The following NUMBL variants were observed in gnomAD, a reference collection of about 807,000 sequenced individuals.
The protein encoded by NUMBL is NUMB like endocytic adaptor protein.
NUMBL carries 20 observed loss-of-function variants against 48.9 expected under a neutral mutation model. The observed-to-expected ratio is 0.41, with a 90% CI of 0.29 to 0.59. NUMBL has a LOEUF of 0.59. Among genes scored for constraint, NUMBL ranks in the 20% least tolerant of loss-of-function variants. The pLI, the probability that NUMBL is intolerant of heterozygous loss-of-function variation, is 0.31. For synonymous variants in NUMBL, 340 were observed against 348.7 expected (o/e 0.98, Z 0.28); for missense variants, 660 against 846.2 (o/e 0.78, Z 2.73).
rs138153726 is a variant in NUMBL, at chr19:40,687,365, A to G, written c.25-370T>C. ...CAGCTTTACACACTTGGTTACACAT[A>G]GACGCAATCACAGCTACACACCTCA... On this transcript the variant is annotated intron_variant, in intron 1 of 9. Coordinates refer to ENST00000252891, the MANE Select transcript of NUMBL (RefSeq NM_004756.5). This position sits in a 1 kb window ranked among gnomAD's most constrained non-coding sequence, Gnocchi z 4.6. 6.6e-6 allele frequency among the ~76,000 whole-genome samples: 1 copy of G among 152,324 alleles called. No individual in the cohort carries two copies. Among genetic ancestry groups the G allele is most frequent in the East Asian group, 1.9e-4 (1 of 5,190 alleles).
chr19:40,676,031 A>AT (rs1303054676), intron 7 of NUMBL, among the ~76,000 whole-genome samples: 1 of 151,962 alleles, frequency 6.6e-6, no homozygotes, highest in East Asian at 1.9e-4. Context: ...CGCCTGGCTA[A>AT]TTTTTTAATG....
intron 9 of NUMBL, among the ~76,000 whole-genome samples, chr19:40,668,840 G>A (rs1056984238): frequency 6.6e-6 from 1 of 152,162 alleles, no homozygotes; most frequent in African/African-American, 2.4e-5. Context: ...TTCTAAGATT[G>A]CATGGATCTT....
At position 40,682,713 on chromosome 19, in the gene NUMBL, C is replaced by G. The variant is rs746221021; in HGVS notation, c.399+15G>C. 3.7e-6 allele frequency: 6 copies of G among 1,613,380 alleles called. No homozygotes were observed. The South Asian group carries it at 6.6e-5, about 18-fold the overall frequency. The stretch of plus-strand genomic sequence containing the variant: ...CAGACAGGCCCCCTGGCGTCCACCC[C>G]CACAGGCCTCCTACCTTGGTTTTGT... On this transcript the variant is annotated intron_variant, in intron 5 of 9. Coordinates refer to ENST00000252891, the MANE Select transcript of NUMBL (RefSeq NM_004756.5). This position sits in a 1 kb window ranked among gnomAD's most constrained non-coding sequence, Gnocchi z 4.0.
At position 40,669,912 on chromosome 19, in the gene NUMBL, GGT is replaced by G; in HGVS notation, c.1143_1144del (p.Pro382ThrfsTer11). 6.2e-7 allele frequency: 1 copy of G among 1,613,518 alleles called. No homozygotes were observed. ...CCTGGCTTTACCTGTTGTGGCAGGT[GGT>G]GGCCCTGGTGCTGGCGCTCCAGCAC... is the stretch of plus-strand genomic sequence containing the variant. On this transcript the variant is annotated frameshift_variant, in exon 9 of 10. Coordinates refer to ENST00000252891, the MANE Select transcript of NUMBL (RefSeq NM_004756.5). LOFTEE classifies it low-confidence loss of function (END_TRUNC).
At chr19:40,675,568 A>C (rs1159867891) in intron 7 of NUMBL, among the ~76,000 whole-genome samples, 1 of 137,804 alleles carries the variant, frequency 7.3e-6, no homozygotes, top group Non-Finnish European at 1.5e-5. Context: ...ACATACAATT[A>C]TATTTTAAAC....
chr19:40,677,380 G>A lies in NUMBL; in HGVS notation c.582C>T (p.Ala194=), dbSNP rs772190710. 5.0e-5 allele frequency: 81 copies of A among 1,611,382 alleles called. No individual in the cohort carries two copies. The highest frequency in any genetic ancestry group is 6.4e-5 in the Non-Finnish European group (76 of 1,179,954). The change falls in exon 7 of 10, where the codon GCC becomes GCT. Residue 194 remains alanine, a synonymous_variant. Transcript: ENST00000252891. ...CCCGTCGCTGTTTTCGCTCCAGGCA[G>A]GCGGCAAAAGCACAGCCCACAGCGT... ...LSHAVGCAFA[A]CLERKQRREK...
chr19:40,683,521 C>T (rs544185268), intron 3 of NUMBL, among the ~76,000 whole-genome samples: 3 of 152,172 alleles, frequency 2.0e-5, no homozygotes, highest in Middle Eastern at 3.2e-3. Context: ...CAAATGAAGC[C>T]GTCACATTCA....
chr19:40,685,586 G>C (rs1310662601), intron 2 of NUMBL: 1 of 153,860 alleles, frequency 6.5e-6, no homozygotes, highest in African/African-American at 2.4e-5. Context: ...TGTGTCTGCT[G>C]TCTATATCCG....
At chr19:40,677,033 C>T (rs1335393953) in intron 7 of NUMBL, among the ~76,000 whole-genome samples, 199 bp downstream of exon 7, 1 of 152,156 alleles carries the variant, frequency 6.6e-6, no homozygotes, top group Admixed American at 6.5e-5. Context: ...AGGCTGGTCT[C>T]AAACTTCTGA....
rs909402092 is a variant in NUMBL at position 40,687,081 on chromosome 19, A to C, written c.25-86T>G. The C allele has an allele frequency of 1.3e-6, 1 of 781,064 alleles. No individual in the cohort carries two copies. The highest frequency in any genetic ancestry group is 3.2e-5 in the Admixed American group (1 of 30,974). 48.4% of individuals were successfully genotyped at this position (781,064 alleles called of 1,614,324 possible). ...TTCACCCCGACTTTGGACTTCGGCC[A>C]GCCCCCTCCATCTTGGGCTCCCTGA... On this transcript the variant is annotated intron_variant, in intron 1 of 9. Transcript: ENST00000252891. This position sits in a 1 kb window ranked among gnomAD's most constrained non-coding sequence, Gnocchi z 4.6.
intron 1 of NUMBL, among the ~76,000 whole-genome samples, chr19:40,689,377 A>C (rs558723507): frequency 6.6e-6 from 1 of 152,162 alleles, no homozygotes; most frequent in Admixed American, 6.5e-5. Context: ...TCACACAGAT[A>C]CTAGGGTCAC....
chr19:40,682,664 C>T lies in NUMBL; in HGVS notation c.399+64G>A. On this transcript the variant is annotated intron_variant, in intron 5 of 9. Transcript: ENST00000252891. This position sits in a 1 kb window ranked among gnomAD's most constrained non-coding sequence, Gnocchi z 4.0. ...TGCAGAGGAGGCGGGAAGGTGTCCT[C>T]CGCCCTGATTCCAGCAGGGTGAGCA... 1 of 1,518,460 alleles carries T rather than the reference C, an allele frequency of 6.6e-7. No homozygotes were observed. The highest frequency in any genetic ancestry group is 2.2e-5 in the East Asian group (1 of 44,450). 94.1% of individuals were successfully genotyped at this position (1,518,460 alleles called of 1,614,324 possible). A position where few individuals can be genotyped will look rare whatever the true frequency, so the allele number is the denominator to read the frequency against.
intron 8 of NUMBL, among the ~76,000 whole-genome samples, chr19:40,671,298 G>C (rs1452729944): frequency 6.6e-6 from 1 of 152,170 alleles, no homozygotes; most frequent in Non-Finnish European, 1.5e-5. Flanking sequence ...TTCTGACTCT[G>C]TGATTTTGGA....
chr19:40,685,200 G>C (rs951064964), intron 2 of NUMBL: 4 of 154,796 alleles, frequency 2.6e-5, no homozygotes, highest in African/African-American at 9.7e-5. Context: ...GCAGGGCTGT[G>C]GGTGTGTGGA....
chr19:40,669,503 C>CTGGCTCTAAGATGATCCA (rs1219805410), intron 9 of NUMBL, among the ~76,000 whole-genome samples: 2 of 151,436 alleles, frequency 1.3e-5, no homozygotes, highest in Admixed American at 1.3e-4. Context: ...GGATGATCCC[C>CTGGCTCTAAGATGATCCA]TGGCTCTAAG....
At chr19:40,690,328 C>A in intron 1 of NUMBL, 132 bp downstream of exon 1, 1 of 478,302 alleles carries the variant, frequency 2.1e-6, no homozygotes, top group Non-Finnish European at 3.3e-6. Context: ...TGTTCCTGGA[C>A]CCCCACCCGG....
chr19:40,682,593 A>ACCT lies in NUMBL; in HGVS notation c.399+134_399+135insAGG. 1 of 740,864 alleles carries ACCT rather than the reference A, an allele frequency of 1.3e-6. No homozygotes were observed. Among genetic ancestry groups the ACCT allele is most frequent in the South Asian group, 1.8e-5 (1 of 55,688 alleles). The allele number at this position is 740,864 out of a possible 1,614,324, so 45.9% of individuals were successfully genotyped here. The stretch of plus-strand genomic sequence containing the variant: ...GCATTTATTCCTGAGTTATGACGAC[A>ACCT]GAGGGAGCACACGGCATCGTCTAGA... On this transcript the variant is annotated intron_variant, in intron 5 of 9. Transcript: ENST00000252891. This position sits in a 1 kb window ranked among gnomAD's most constrained non-coding sequence, Gnocchi z 4.0.
intron 6 of NUMBL, among the ~76,000 whole-genome samples, chr19:40,680,011 C>T (rs1330871896): frequency 2.0e-5 from 3 of 151,854 alleles, no homozygotes; most frequent in Admixed American, 1.3e-4. Context: ...TTGGGGAATT[C>T]TACTGCTTAA....
intron 2 of NUMBL, among the ~76,000 whole-genome samples, chr19:40,686,395 C>G (rs2081934489): frequency 6.6e-6 from 1 of 151,852 alleles, no homozygotes; most frequent in South Asian, 2.1e-4. Context: ...CTCCTGACCT[C>G]AGGTGATCCT....
Sources: gnomAD v4.1 joint callset for allele counts (sites outside exome capture counted in the v4.1 genomes callset) on GRCh38, gnomAD v4.1.1 for gene constraint, Gnocchi (gnomAD v3.1) non-coding constraint, MANE v1.5 for transcripts, NCBI Gene and HGNC (gene_info 2026-07-23, HGNC 2026-07-21) for gene names.